LRRC37A2: variants seen among roughly 807,000 people sequenced by gnomAD.
LRRC37A2 encodes leucine-rich repeat-containing protein 37A2.
Under a neutral mutation model 68.8 loss-of-function variants are expected in LRRC37A2, and 9 were observed. The observed-to-expected ratio is 0.13, with a 90% confidence interval of 0.08 to 0.23. The LOEUF (loss-of-function observed/expected upper bound fraction) is 0.23, where lower values mean the gene tolerates loss of function less well. LRRC37A2 is among the 10% of genes least tolerant of loss of function. The pLI, the probability that LRRC37A2 is intolerant of heterozygous loss-of-function variation, is 1.00. For missense variants in LRRC37A2, 168 were observed against 950.4 expected (o/e 0.18, Z 10.82); for synonymous variants, 63 against 367.6 (o/e 0.17, Z 9.48).
chr17:46,729,968 A>G, the LRRC37A2 span, among the ~76,000 whole-genome samples: 2 of 152,140 alleles, frequency 1.3e-5, no homozygotes, highest in Non-Finnish European at 2.9e-5. Flanking sequence ...TTCATAAACC[A>G]TCATTCCTAG....
At chr17:46,947,592 G>A in the LRRC37A2 span, among the ~76,000 whole-genome samples, 1 of 152,294 alleles carries the variant, frequency 6.6e-6, no homozygotes, top group East Asian at 1.9e-4. Context: ...GTGGGATGAT[G>A]TTTGAGATGG....
the LRRC37A2 span, among the ~76,000 whole-genome samples, chr17:46,919,022 C>T: frequency 6.6e-6 from 1 of 152,200 alleles, no homozygotes; most frequent in Non-Finnish European, 1.5e-5. Flanking sequence ...TTCCCAATTA[C>T]TGTACCCCAC....
the LRRC37A2 span, among the ~76,000 whole-genome samples, chr17:46,926,382 G>A: frequency 2.6e-5 from 4 of 151,990 alleles, no homozygotes; most frequent in East Asian, 3.9e-4. Flanking sequence ...GGTGGGGGGC[G>A]GTGAGTAGTT....
At chr17:46,501,464 C>A in the LRRC37A2 span, among the ~76,000 whole-genome samples, 1 of 151,248 alleles carries the variant, frequency 6.6e-6, no homozygotes, top group East Asian at 1.9e-4. Flanking sequence ...TGTGGGCCAC[C>A]ACGCCTGACC....
At chr17:46,974,855 G>A in the LRRC37A2 span, among the ~76,000 whole-genome samples, 1 of 152,194 alleles carries the variant, frequency 6.6e-6, no homozygotes, top group African/African-American at 2.4e-5. Flanking sequence ...TACAATGGGA[G>A]GAGCTACAAA....
chr17:46,516,873 AATCAG>A (rs2051445260), intron 2 of LRRC37A2: 1 of 260,490 alleles, frequency 3.8e-6, no homozygotes, highest in Non-Finnish European at 7.7e-6. Context: ...GAAGGGGCCA[AATCAG>A]ATCAGTTGTA....
the LRRC37A2 span, among the ~76,000 whole-genome samples, chr17:46,925,139 G>A: frequency 6.6e-6 from 1 of 152,126 alleles, no homozygotes; most frequent in African/African-American, 2.4e-5. Context: ...TTTCTATTAA[G>A]GGCCAGATAG....
At chr17:46,839,475 G>A in the LRRC37A2 span, among the ~76,000 whole-genome samples, 2 of 152,208 alleles carry the variant, frequency 1.3e-5, no homozygotes, top group African/African-American at 2.4e-5. Flanking sequence ...GTGGCACAAC[G>A]CAGGCGTCAA....
the LRRC37A2 span, among the ~76,000 whole-genome samples, chr17:46,821,502 C>T: frequency 6.6e-6 from 1 of 152,284 alleles, no homozygotes; most frequent in Non-Finnish European, 1.5e-5. Flanking sequence ...AACAGGTACC[C>T]CAAGCCCCAG....
chr17:46,903,030 C>T, the LRRC37A2 span, among the ~76,000 whole-genome samples: 1 of 152,124 alleles, frequency 6.6e-6, no homozygotes, highest in African/African-American at 2.4e-5. Context: ...GCCTGTAACC[C>T]CAGCACTTTG....
the LRRC37A2 span, among the ~76,000 whole-genome samples, chr17:46,711,725 G>T: frequency 6.6e-6 from 1 of 152,172 alleles, no homozygotes; most frequent in Non-Finnish European, 1.5e-5. Flanking sequence ...GAAAAGTTCA[G>T]TGAGGCCCCA....
At chr17:46,766,269 G>A in the LRRC37A2 span, among the ~76,000 whole-genome samples, 2 of 152,262 alleles carry the variant, frequency 1.3e-5, no homozygotes, top group African/African-American at 4.8e-5. Flanking sequence ...TTAGCCGATC[G>A]TGGTGGCGGG....
chr17:47,014,392 GAAAA>G, the LRRC37A2 span, among the ~76,000 whole-genome samples: 5 of 99,480 alleles, frequency 5.0e-5, no homozygotes, highest in East Asian at 1.7e-3. Context: ...TCCATCTCGA[GAAAA>G]AAAAAAAAAA....
the LRRC37A2 span, among the ~76,000 whole-genome samples, chr17:46,981,894 G>T: frequency 3.3e-5 from 5 of 151,948 alleles, no homozygotes; most frequent in Admixed American, 2.0e-4. Context: ...TTCAGACAGG[G>T]TCTCACTATG....
At chr17:46,880,070 C>T in the LRRC37A2 span, among the ~76,000 whole-genome samples, 1 of 152,234 alleles carries the variant, frequency 6.6e-6, no homozygotes. Context: ...CAAAAGTCAG[C>T]TGCGCTGGCA....
At chr17:46,859,333 C>A in the LRRC37A2 span, among the ~76,000 whole-genome samples, 1 of 152,312 alleles carries the variant, frequency 6.6e-6, no homozygotes, top group African/African-American at 2.4e-5. Flanking sequence ...GTGTGTACAG[C>A]ATGGAGTAAG....
chr17:46,819,620 G>A, the LRRC37A2 span, among the ~76,000 whole-genome samples: 1 of 152,140 alleles, frequency 6.6e-6, no homozygotes, highest in Non-Finnish European at 1.5e-5. This position sits in a 1 kb window ranked among gnomAD's most constrained non-coding sequence, Gnocchi z 5.3. Context: ...CTGCCCTCCG[G>A]AGCGCCCCTC....
At chr17:46,858,866 T>TA in the LRRC37A2 span, among the ~76,000 whole-genome samples, 3 of 152,012 alleles carry the variant, frequency 2.0e-5, no homozygotes, top group Admixed American at 6.6e-5. Flanking sequence ...GGGGTTTTGC[T>TA]ATGTTGCTCA....
the LRRC37A2 span, among the ~76,000 whole-genome samples, chr17:47,022,327 C>T: frequency 6.8e-6 from 1 of 147,890 alleles, no homozygotes; most frequent in Non-Finnish European, 1.5e-5. Context: ...CATGCCACCA[C>T]ACCCACCTAA....
Sources: gnomAD v4.1 joint callset for allele counts (sites outside exome capture counted in the v4.1 genomes callset) on GRCh38, gnomAD v4.1.1 for gene constraint, Gnocchi (gnomAD v3.1) non-coding constraint, MANE v1.5 for transcripts, NCBI Gene and HGNC (gene_info 2026-07-23, HGNC 2026-07-21) for gene names.